The following UBASH3B variants were observed in gnomAD, a reference collection of about 807,000 sequenced individuals.
UBASH3B encodes ubiquitin associated and SH3 domain containing B.
A neutral mutation model predicts 83.4 loss-of-function variants in UBASH3B; 37 were observed. The observed-to-expected ratio is 0.44, with a 90% CI of 0.34 to 0.58. The LOEUF (loss-of-function observed/expected upper bound fraction) is 0.58. UBASH3B is among the 20% of genes least tolerant of loss of function. The pLI is 0.01. For synonymous variants in UBASH3B, 304 were observed against 318.3 expected (o/e 0.96, Z 0.48); for missense variants, 657 against 827.2 (o/e 0.79, Z 2.52).
intron 1 of UBASH3B, among the ~76,000 whole-genome samples, chr11:122,760,928 C>G (rs534210812): frequency 1.2e-4 from 19 of 152,294 alleles, no homozygotes; most frequent in African/African-American, 4.6e-4. Context: ...ACCATGAACC[C>G]CAAGACCATC....
At chr11:122,672,308 C>T (rs890618344) in intron 1 of UBASH3B, among the ~76,000 whole-genome samples, 3 of 151,822 alleles carry the variant, frequency 2.0e-5, no homozygotes, top group African/African-American at 4.8e-5. Context: ...AACTGAAAAA[C>T]GGATGCCTAT....
intron 1 of UBASH3B, among the ~76,000 whole-genome samples, chr11:122,669,338 G>A (rs541807070): frequency 7.2e-5 from 11 of 152,158 alleles, no homozygotes; most frequent in East Asian, 1.9e-4. Context: ...CTTCAAGTAC[G>A]TCACTCCAAG....
chr11:122,732,832 C>A (rs368407715), intron 1 of UBASH3B, among the ~76,000 whole-genome samples: 26 of 152,310 alleles, frequency 1.7e-4, no homozygotes, highest in African/African-American at 6.0e-4. Context: ...AGGCAGTGTT[C>A]TGGATTCCAA....
intron 1 of UBASH3B, among the ~76,000 whole-genome samples, chr11:122,663,334 G>A (rs1466304137): frequency 6.6e-6 from 1 of 152,166 alleles, no homozygotes; most frequent in Non-Finnish European, 1.5e-5. Context: ...AGCTTACAAA[G>A]CAGAGTCACA....
rs1277921598 is a variant in UBASH3B at position 122,811,459 on chromosome 11, CTA to C, written c.*1579_*1580del. ...AGAAGAGGACATGAAAGGATGCTGG[CTA>C]TATATGTTAATGAGCAAAAGGATTA... On this transcript the variant is annotated 3_prime_UTR_variant, in exon 14 of 14. Coordinates refer to ENST00000284273, the MANE Select transcript of UBASH3B (RefSeq NM_032873.5). The C allele has an allele frequency of 6.6e-6, 1 of 152,068 alleles. No homozygotes were observed. The highest frequency in any genetic ancestry group is 1.5e-5 in the Non-Finnish European group (1 of 68,010). The allele number at this position is 152,068 out of a possible 1,614,324, so 9.4% of individuals were successfully genotyped here. A position where few individuals can be genotyped will look rare whatever the true frequency, so the allele number is the denominator to read the frequency against.
intron 1 of UBASH3B, among the ~76,000 whole-genome samples, chr11:122,760,150 TG>T (rs770723678): frequency 6.6e-6 from 1 of 152,230 alleles, no homozygotes; most frequent in Non-Finnish European, 1.5e-5. Context: ...AAGTAGCTCA[TG>T]GTCTATTGCA....
intron 1 of UBASH3B, among the ~76,000 whole-genome samples, chr11:122,737,226 G>A (rs1302531555): frequency 6.6e-6 from 1 of 152,168 alleles, no homozygotes; most frequent in Non-Finnish European, 1.5e-5. Flanking sequence ...AAGAAGAAGA[G>A]TGTATGATTA....
intron 1 of UBASH3B, among the ~76,000 whole-genome samples, chr11:122,721,041 G>C (rs576668625): frequency 1.6e-4 from 25 of 151,920 alleles, no homozygotes; most frequent in Non-Finnish European, 3.1e-4. Flanking sequence ...GTCAGGAGAT[G>C]GAGACCATCC....
At chr11:122,755,968 C>G (rs1861276059) in intron 1 of UBASH3B, among the ~76,000 whole-genome samples, 1 of 152,140 alleles carries the variant, frequency 6.6e-6, no homozygotes, top group Non-Finnish European at 1.5e-5. Context: ...CTCCCCATTA[C>G]CACGGAAGGC....
intron 1 of UBASH3B, among the ~76,000 whole-genome samples, chr11:122,686,587 G>A (rs1469638381): frequency 1.3e-5 from 2 of 152,278 alleles, no homozygotes; most frequent in African/African-American, 2.4e-5. Flanking sequence ...GCTTTTGGCC[G>A]TGGTGTGCAG....
At chr11:122,727,342 G>C (rs199932539) in intron 1 of UBASH3B, among the ~76,000 whole-genome samples, 1 of 152,182 alleles carries the variant, frequency 6.6e-6, no homozygotes, top group East Asian at 1.9e-4. Context: ...CAAACTCCTG[G>C]TCATAAAGAC....
At chr11:122,658,968 G>A (rs1863398246) in intron 1 of UBASH3B, among the ~76,000 whole-genome samples, 1 of 152,168 alleles carries the variant, frequency 6.6e-6, no homozygotes. Flanking sequence ...AGGCTCTAGG[G>A]GAATCCACTC....
intron 1 of UBASH3B, among the ~76,000 whole-genome samples, chr11:122,757,464 G>T (rs1861299752): frequency 6.6e-6 from 1 of 152,132 alleles, no homozygotes; most frequent in Non-Finnish European, 1.5e-5. Context: ...AGCCACCCCA[G>T]TCTATGGCAC....
intron 1 of UBASH3B, among the ~76,000 whole-genome samples, chr11:122,724,877 T>C (rs552896810): frequency 1.1e-4 from 17 of 152,210 alleles, no homozygotes; most frequent in Admixed American, 2.0e-4. Flanking sequence ...GATGAGGACT[T>C]TGCCTGGAGG....
intron 10 of UBASH3B, among the ~76,000 whole-genome samples, chr11:122,799,697 G>T (rs974445698): frequency 2.0e-5 from 3 of 152,150 alleles, no homozygotes; most frequent in African/African-American, 7.2e-5. Flanking sequence ...CAGCAAGGGT[G>T]CTCTTAGGAG....
At chr11:122,722,750 G>A (rs900828903) in intron 1 of UBASH3B, among the ~76,000 whole-genome samples, 14 of 149,224 alleles carry the variant, frequency 9.4e-5, no homozygotes, top group Non-Finnish European at 1.8e-4. Flanking sequence ...CTGTCCCCCC[G>A]GCTGGAGTGC....
Position 122,656,004 on chromosome 11 carries a change from C to A in UBASH3B, c.-46C>A. Reference sequence around the variant, plus strand: ...GCCCGACTCCCTCCTCCTTCCCGAACCATCCGGCTCGGGCTCCTTCCCTGG... The same window carrying A: ...GCCCGACTCCCTCCTCCTTCCCGAAACATCCGGCTCGGGCTCCTTCCCTGG... On this transcript the variant is annotated 5_prime_UTR_variant, in exon 1 of 14. Coordinates refer to ENST00000284273, the MANE Select transcript of UBASH3B (RefSeq NM_032873.5). The A allele has an allele frequency of 6.8e-7, 1 of 1,473,350 alleles. No individual in the cohort carries two copies. The highest frequency in any genetic ancestry group is 9.1e-7 in the Non-Finnish European group (1 of 1,104,370). 91.3% of individuals were successfully genotyped at this position (1,473,350 alleles called of 1,614,324 possible). A position where few individuals can be genotyped will look rare whatever the true frequency, so the allele number is the denominator to read the frequency against.
At chr11:122,807,031 A>G (rs1052551207) in intron 12 of UBASH3B, among the ~76,000 whole-genome samples, 3 of 152,226 alleles carry the variant, frequency 2.0e-5, no homozygotes, top group African/African-American at 7.2e-5. Context: ...GCATATTGCA[A>G]AAAAAGTATG....
chr11:122,692,060 GA>G (rs1203328656), intron 1 of UBASH3B, among the ~76,000 whole-genome samples: 2 of 152,128 alleles, frequency 1.3e-5, no homozygotes, highest in Non-Finnish European at 2.9e-5. Context: ...GCCACTTACA[GA>G]ACCTTGGACA....
Sources: allele counts gnomAD v4.1 joint callset (sites outside exome capture counted in the v4.1 genomes callset), GRCh38; gene constraint gnomAD v4.1.1; transcripts MANE v1.5; gene names NCBI Gene and HGNC (gene_info 2026-07-23, HGNC 2026-07-21).